The following MINDY2 variants were observed in gnomAD, a reference collection of about 807,000 sequenced individuals.
MINDY2 encodes the protein MINDY lysine 48 deubiquitinase 2, also known as ubiquitin carboxyl-terminal hydrolase MINDY-2.
Under a neutral mutation model 68.2 loss-of-function variants are expected in MINDY2, and 52 were observed. The ratio of observed to expected loss-of-function variants is 0.76; its 90% confidence interval spans 0.61 to 0.96. The LOEUF (loss-of-function observed/expected upper bound fraction) is 0.96. Ranked by LOEUF, MINDY2 falls within the 40% of genes least tolerant of loss-of-function variation. MINDY2 has a pLI of 0.00. For synonymous variants in MINDY2, 372 were observed against 303.0 expected, an observed-to-expected ratio of 1.23 and a Z score of -2.36; for missense variants, 881 against 773.4, an observed-to-expected ratio of 1.14 and a Z score of -1.65.
intron 1 of MINDY2, among the ~76,000 whole-genome samples, chr15:58,782,494 C>G (rs1377526571): frequency 6.6e-6 from 1 of 152,182 alleles, no homozygotes; most frequent in Non-Finnish European, 1.5e-5. Context: ...TCTTCACTTG[C>G]CAAATTTCCA....
At chr15:58,820,757 A>G (rs1202316967) in intron 4 of MINDY2, among the ~76,000 whole-genome samples, 3 of 152,124 alleles carry the variant, frequency 2.0e-5, no homozygotes, top group Middle Eastern at 6.3e-3. Flanking sequence ...TTTGAAAACC[A>G]CTGCTGTGAG....
intron 8 of MINDY2, among the ~76,000 whole-genome samples, 183 bp downstream of exon 8, chr15:58,852,148 T>G (rs140747821): frequency 2.0e-4 from 30 of 151,396 alleles, no homozygotes; most frequent in African/African-American, 7.3e-4. Flanking sequence ...TAGCCGGGCG[T>G]GGTGGTGGTG....
At chr15:58,780,851 T>A (rs1372724504) in intron 1 of MINDY2, among the ~76,000 whole-genome samples, 1 of 152,218 alleles carries the variant, frequency 6.6e-6, no homozygotes, top group Non-Finnish European at 1.5e-5. Context: ...CTACCCTAGT[T>A]CAGGCCTTTA....
At chr15:58,792,683 C>G (rs1902026834) in intron 2 of MINDY2, among the ~76,000 whole-genome samples, 1 of 152,136 alleles carries the variant, frequency 6.6e-6, no homozygotes, top group African/African-American at 2.4e-5. Flanking sequence ...AATGTCTTAT[C>G]AACTGATGAG....
chr15:58,848,358 G>C (rs2032639312), intron 7 of MINDY2, among the ~76,000 whole-genome samples: 1 of 152,142 alleles, frequency 6.6e-6, no homozygotes, highest in Non-Finnish European at 1.5e-5. Flanking sequence ...TGTCCTTAAA[G>C]ATGCAGCCTA....
intron 7 of MINDY2, among the ~76,000 whole-genome samples, chr15:58,848,194 G>A (rs893879360): frequency 6.6e-6 from 1 of 151,796 alleles, no homozygotes; most frequent in Admixed American, 6.6e-5. Flanking sequence ...CCCTGACTGA[G>A]GCAAAAATAT....
intron 8 of MINDY2, among the ~76,000 whole-genome samples, chr15:58,853,591 C>G (rs989943105): frequency 6.6e-6 from 1 of 151,820 alleles, no homozygotes; most frequent in Admixed American, 6.6e-5. Flanking sequence ...GAGGCCAAGA[C>G]AGGTGGATCT....
chr15:58,861,569 G>A lies in MINDY2; in HGVS notation c.*6959G>A, dbSNP rs2033218984. The A allele has an allele frequency of 2.0e-5, 3 of 152,130 alleles. No homozygotes were observed. Among genetic ancestry groups the A allele is most frequent in the Admixed American group, 2.0e-4 (3 of 15,270 alleles). 9.4% of individuals were successfully genotyped at this position (152,130 alleles called of 1,614,324 possible). A position where few individuals can be genotyped will look rare whatever the true frequency, so the allele number is the denominator to read the frequency against. On this transcript the variant is annotated 3_prime_UTR_variant, in exon 9 of 9. Transcript: ENST00000559228. The stretch of plus-strand genomic sequence containing the variant: ...CAGCTTAGGGTTGAACTGAATTTCT[G>A]TGAAATAAATTTGTTTTAAATACTA...
In MINDY2 at chr15:58,858,131, T is replaced by C. The variant is rs1772743420; in HGVS notation, c.*3521T>C. 1 of 152,234 alleles carries C rather than the reference T, an allele frequency of 6.6e-6. No homozygotes were observed. Among genetic ancestry groups the C allele is most frequent in the South Asian group, 2.1e-4 (1 of 4,832 alleles). The allele number at this position is 152,234 out of a possible 1,614,324, so 9.4% of individuals were successfully genotyped here. On this transcript the variant is annotated 3_prime_UTR_variant, in exon 9 of 9. Coordinates refer to ENST00000559228, the MANE Select transcript of MINDY2 (RefSeq NM_001040450.3). Reference sequence around the variant, plus strand: ...ATTAAGCAGTATAAAGCAGCTAAAATTGGCATTGGTTTTACACTGGTGCAG... The same window carrying C: ...ATTAAGCAGTATAAAGCAGCTAAAACTGGCATTGGTTTTACACTGGTGCAG...
intron 3 of MINDY2, among the ~76,000 whole-genome samples, chr15:58,802,796 A>G: frequency 6.6e-6 from 1 of 152,224 alleles, no homozygotes; most frequent in East Asian, 1.9e-4. Flanking sequence ...TGTCATTAGG[A>G]CAAGTTTTGC....
chr15:58,797,814 A>G (rs1382507420), intron 2 of MINDY2, among the ~76,000 whole-genome samples: 5 of 152,108 alleles, frequency 3.3e-5, no homozygotes, highest in Non-Finnish European at 7.4e-5. Context: ...TCTGCAAATG[A>G]AGAGATACAG....
chr15:58,786,388 CTCCTAG>C (rs1393640710), intron 1 of MINDY2, among the ~76,000 whole-genome samples: 1 of 152,128 alleles, frequency 6.6e-6, no homozygotes, highest in Non-Finnish European at 1.5e-5. Context: ...TTTATTTTTT[CTCCTAG>C]TCTATAAATA....
In MINDY2 at chr15:58,788,428, T is replaced by C. The variant is rs149125338; in HGVS notation, c.898+465T>C. Reference sequence around the variant, plus strand: ...GAATCTTCTCCTAGGATGTAAAATATTTACATTAGTAAGCACACTGTTTAT... The same window carrying C: ...GAATCTTCTCCTAGGATGTAAAATACTTACATTAGTAAGCACACTGTTTAT... On this transcript the variant is annotated intron_variant, in intron 2 of 8. Transcript: ENST00000559228. 1.6e-4 allele frequency among the ~76,000 whole-genome samples: 25 copies of C among 152,336 alleles called. No homozygotes were observed. In the East Asian group the frequency reaches 4.8e-3, roughly 29 times the overall value.
chr15:58,798,015 G>A (rs751949601), intron 2 of MINDY2, among the ~76,000 whole-genome samples: 1 of 152,162 alleles, frequency 6.6e-6, no homozygotes, highest in Non-Finnish European at 1.5e-5. Flanking sequence ...AAAGTATGCT[G>A]AAAAGCTCAT....
At chr15:58,791,622 ATGTGTG>A (rs368688031) in intron 2 of MINDY2, among the ~76,000 whole-genome samples, 88 of 136,750 alleles carry the variant, frequency 6.4e-4, no homozygotes, top group Admixed American at 1.3e-3. Flanking sequence ...GTCTCAAAAT[ATGTGTG>A]TGTGTGTGTG....
In MINDY2 at chr15:58,802,381, A is replaced by G; in HGVS notation, c.963+4A>G. On this transcript the variant is annotated splice_donor_region_variant and intron_variant, in intron 3 of 8. Transcript: ENST00000559228. ...TCAACGTTTAAATTATGAACAGGTA[A>G]TAAACAGTTTTTGTTAAAGTATATA... 6.4e-7 allele frequency: 1 copy of G among 1,561,142 alleles called. No homozygotes were observed. Among genetic ancestry groups the G allele is most frequent in the Non-Finnish European group, 8.7e-7 (1 of 1,149,420 alleles).
intron 8 of MINDY2, 46 bp downstream of exon 8, chr15:58,852,011 G>T (rs753167326): frequency 2.0e-5 from 29 of 1,435,564 alleles, no homozygotes; most frequent in Non-Finnish European, 2.6e-5. Context: ...TCATGGCTGG[G>T]TGTAGTGGCT....
chr15:58,779,860 A>G (rs1347950153), intron 1 of MINDY2, among the ~76,000 whole-genome samples: 2 of 152,142 alleles, frequency 1.3e-5, no homozygotes, highest in Non-Finnish European at 2.9e-5. Context: ...TCCCCTTGGT[A>G]TGAGTAGTCT....
intron 6 of MINDY2, among the ~76,000 whole-genome samples, chr15:58,838,741 C>T (rs2032129841): frequency 1.3e-5 from 2 of 151,800 alleles, no homozygotes; most frequent in South Asian, 2.1e-4. Flanking sequence ...CGGGTACCAC[C>T]ACTCCTGGCT....
Sources: gnomAD v4.1 joint callset for allele counts (sites outside exome capture counted in the v4.1 genomes callset) on GRCh38, gnomAD v4.1.1 for gene constraint, MANE v1.5 for transcripts, NCBI Gene and HGNC (gene_info 2026-07-23, HGNC 2026-07-21) for gene names.